The following SNRPN variants were observed in gnomAD, a reference collection of about 807,000 sequenced individuals.
The protein encoded by SNRPN is small nuclear ribonucleoprotein-associated protein N.
A neutral mutation model predicts 25.2 loss-of-function variants in SNRPN; 7 were observed. The observed-to-expected ratio is 0.28, with a 90% CI of 0.16 to 0.52. The LOEUF is 0.52. Ranked by LOEUF, SNRPN falls within the 20% of genes least tolerant of loss-of-function variation. The pLI is 0.96. For synonymous variants in SNRPN, 124 were observed against 110.6 expected, an observed-to-expected ratio of 1.12 and a Z score of -0.76; for missense variants, 196 against 322.5, an observed-to-expected ratio of 0.61 and a Z score of 3.00.
At chr15:24,930,137 C>G (rs1012867845) in intron 3 of SNRPN, among the ~76,000 whole-genome samples, 1 of 149,860 alleles carries the variant, frequency 6.7e-6, no homozygotes, top group Admixed American at 6.7e-5. Flanking sequence ...GAGCGAGACT[C>G]CATCTCAAAA....
intron 2 of SNRPN, among the ~76,000 whole-genome samples, chr15:24,897,518 G>A (rs931675169): frequency 5.3e-5 from 8 of 152,172 alleles, no homozygotes; most frequent in Admixed American, 1.3e-4. Flanking sequence ...CCAGGAGTTC[G>A]TGGTTACAGT....
chr15:24,971,600 G>A (rs1306110876), intron 3 of SNRPN, among the ~76,000 whole-genome samples: 3 of 151,972 alleles, frequency 2.0e-5, no homozygotes, highest in Non-Finnish European at 4.4e-5. Flanking sequence ...AGTTCTTTGG[G>A]CCATAACTCA....
intron 1 of SNRPN, among the ~76,000 whole-genome samples, chr15:24,862,480 G>T (rs74363826): frequency 6.6e-6 from 1 of 150,786 alleles, no homozygotes; most frequent in Non-Finnish European, 1.5e-5. Context: ...AAAGAGAGAT[G>T]GAGTGTCTAG....
At chr15:24,861,865 T>C (rs1380925405) in intron 1 of SNRPN, among the ~76,000 whole-genome samples, 4 of 152,146 alleles carry the variant, frequency 2.6e-5, no homozygotes, top group African/African-American at 4.8e-5. Flanking sequence ...AGTAAATCAA[T>C]AGATATCTTG....
At chr15:24,848,897 T>C (rs1422032382) in intron 2 of SNRPN, 2 of 152,242 alleles carry the variant, frequency 1.3e-5, no homozygotes, top group East Asian at 3.9e-4. Flanking sequence ...TGTTTTTTTT[T>C]TAATTTTTAT....
In SNRPN at chr15:24,929,083, T is replaced by C. The variant is rs1308970543; in HGVS notation, c.-391+8959T>C. Among the ~76,000 whole-genome samples the C allele has an allele frequency of 6.6e-6, 1 of 152,196 alleles. No homozygotes were observed. The highest frequency in any genetic ancestry group is 1.5e-5 in the Non-Finnish European group (1 of 68,040). On this transcript the variant is annotated intron_variant, in intron 3 of 11. Transcript: ENST00000400097. The surrounding 1 kb of genome is among the most constrained non-coding windows in gnomAD (Gnocchi z 5.3). The stretch of plus-strand genomic sequence containing the variant: ...AGGTCTTGGTGCTACTGGTATGTTA[T>C]TGCTTTTAGGCCCTTCCAGATATAC...
intron 2 of SNRPN, among the ~76,000 whole-genome samples, chr15:24,847,483 A>G (rs1049484738): frequency 3.9e-5 from 6 of 152,116 alleles, no homozygotes; most frequent in African/African-American, 1.4e-4. Flanking sequence ...TCTACTAAAA[A>G]TACAAAAATT....
Position 24,833,061 on chromosome 15 carries a change from C to T in SNRPN, c.-579+3156C>T, listed in dbSNP as rs568450780. 6.9e-3 allele frequency among the ~76,000 whole-genome samples: 880 copies of T among 128,162 alleles called. 13 individuals carry two copies. Among genetic ancestry groups the T allele is most frequent in the African/African-American group, 0.025 (846 of 33,824 alleles). The allele number at this position is 128,162 out of a possible 152,430, so 84.1% of individuals were successfully genotyped here. A position where few individuals can be genotyped will look rare whatever the true frequency, so the allele number is the denominator to read the frequency against. On this transcript the variant is annotated intron_variant, in intron 2 of 12. Transcript: ENST00000400100. ...CGGAGCTTGCAGTGAGCCAAGATTG[C>T]ACCACTGCATTCCAGCCTGGGCGAC...
chr15:24,925,358 A>G (rs2060307589), intron 3 of SNRPN, among the ~76,000 whole-genome samples: 1 of 152,022 alleles, frequency 6.6e-6, no homozygotes, highest in Non-Finnish European at 1.5e-5. Context: ...TCACACTTGT[A>G]CAGCACTTTG....
chr15:24,918,520 A>G (rs62639538), intron 2 of SNRPN, among the ~76,000 whole-genome samples: 9,186 of 96,760 alleles, frequency 0.095, 1,120 homozygotes, highest in East Asian at 0.22. Flanking sequence ...TAATATATAT[A>G]TGTGTATATA....
At chr15:24,834,038 G>A (rs902855196) in intron 2 of SNRPN, among the ~76,000 whole-genome samples, 8 of 152,216 alleles carry the variant, frequency 5.3e-5, no homozygotes, top group African/African-American at 1.9e-4. Flanking sequence ...TGATTCTCTT[G>A]CCTCAGCCTC....
chr15:24,919,975 T>C (rs1352235820), intron 2 of SNRPN: 1 of 152,210 alleles, frequency 6.6e-6, no homozygotes, highest in African/African-American at 2.4e-5. Context: ...TTGAATGACC[T>C]GATATATCTT....
At chr15:24,908,977 T>C in intron 2 of SNRPN, 1 of 1,394,682 alleles carries the variant, frequency 7.2e-7, no homozygotes, top group Non-Finnish European at 1.0e-6. Flanking sequence ...TTGCATTCTT[T>C]TGAGCTACCC....
chr15:24,928,325 G>T (rs920796860), intron 3 of SNRPN, among the ~76,000 whole-genome samples: 1 of 151,946 alleles, frequency 6.6e-6, no homozygotes, highest in South Asian at 2.1e-4. Context: ...GGAATCCACC[G>T]AAGTGTTCAT....
At chr15:24,935,531 G>A (rs2061168460) in intron 3 of SNRPN, among the ~76,000 whole-genome samples, 1 of 152,104 alleles carries the variant, frequency 6.6e-6, no homozygotes, top group Non-Finnish European at 1.5e-5. Flanking sequence ...AGTGGGAAGT[G>A]GGAAGCATTT....
intron 2 of SNRPN, among the ~76,000 whole-genome samples, chr15:24,887,696 G>A (rs1380339501): frequency 6.6e-6 from 1 of 152,210 alleles, no homozygotes; most frequent in East Asian, 1.9e-4. Context: ...TTTGGGGGCT[G>A]AGAAGACAGG....
At chr15:24,876,356 G>A (rs2055876007) in intron 1 of SNRPN, among the ~76,000 whole-genome samples, 1 of 152,070 alleles carries the variant, frequency 6.6e-6, no homozygotes, top group Non-Finnish European at 1.5e-5. Context: ...TGTGGCTCAT[G>A]CCTTTAATCT....
chr15:24,847,278 G>T (rs2052290622), intron 2 of SNRPN, among the ~76,000 whole-genome samples: 1 of 152,010 alleles, frequency 6.6e-6, no homozygotes, highest in Non-Finnish European at 1.5e-5. Flanking sequence ...ACAAGAGGCG[G>T]GAAAAAAAAG....
At chr15:24,895,264 A>C (rs1291430133) in intron 2 of SNRPN, among the ~76,000 whole-genome samples, 1 of 152,192 alleles carries the variant, frequency 6.6e-6, no homozygotes, top group Non-Finnish European at 1.5e-5. Flanking sequence ...CTTTCAGCGA[A>C]AGGTGAGAAA....
Sources: gnomAD v4.1 joint callset for allele counts (sites outside exome capture counted in the v4.1 genomes callset) on GRCh38, gnomAD v4.1.1 for gene constraint, Gnocchi (gnomAD v3.1) non-coding constraint, MANE v1.5 for transcripts, NCBI Gene and HGNC (gene_info 2026-07-23, HGNC 2026-07-21) for gene names.